The following NPIPB2 variants were observed in gnomAD, a reference collection of about 807,000 sequenced individuals.
The protein encoded by NPIPB2 is nuclear pore complex-interacting protein family member B2.
A neutral mutation model predicts 30.8 loss-of-function variants in NPIPB2; 27 were observed. That is an observed-to-expected ratio of 0.88 (90% CI 0.65 to 1.21). The LOEUF (loss-of-function observed/expected upper bound fraction) is 1.21. NPIPB2 is among the 50% of genes most tolerant of loss of function. The pLI, the probability that NPIPB2 is intolerant of heterozygous loss-of-function variation, is 0.00. For missense variants in NPIPB2, 440 were observed against 446.2 expected (o/e 0.99, Z 0.13); for synonymous variants, 147 against 162.0 (o/e 0.91, Z 0.70).
In NPIPB2 at chr16:11,971,604, C is replaced by A. The variant is rs566467258; in HGVS notation, c.-584+4964G>T. ...CTGCTTCCCAGGTTCAAGCAATCCT[C>A]CAGCCTCAGCCTCTCAAGTAGCTGG... On this transcript the variant is annotated intron_variant, in intron 1 of 5. Transcript: ENST00000538896. Among the ~76,000 whole-genome samples the A allele has an allele frequency of 1.1e-4, 16 of 152,166 alleles. 1 individual carries two copies. Among genetic ancestry groups the A allele is most frequent in the African/African-American group, 3.4e-4 (14 of 41,538 alleles).
At chr16:11,943,383 T>C (rs2054964615), upstream of NPIPB2, among the ~76,000 whole-genome samples, 1 of 151,330 alleles carries the variant, frequency 6.6e-6, no homozygotes, top group Non-Finnish European at 1.5e-5. Context: ...GGAATTCAAT[T>C]CTATTTGTAT....
intron 1 of NPIPB2, among the ~76,000 whole-genome samples, chr16:11,952,813 G>A (rs569703075): frequency 2.0e-5 from 3 of 151,938 alleles, no homozygotes; most frequent in Admixed American, 6.6e-5. Flanking sequence ...TAATCCACCC[G>A]CCTCGGCCTC....
chr16:11,948,723 C>T (rs1190576227), intron 1 of NPIPB2, among the ~76,000 whole-genome samples: 1 of 139,678 alleles, frequency 7.2e-6, no homozygotes, highest in Non-Finnish European at 1.5e-5. Flanking sequence ...GCCGAGATCC[C>T]GCCACTGCAC....
intron 1 of NPIPB2, among the ~76,000 whole-genome samples, chr16:11,951,698 G>A (rs1253813140): frequency 2.7e-5 from 4 of 147,092 alleles, no homozygotes; most frequent in Non-Finnish European, 4.5e-5. Flanking sequence ...TTCAGAGTAT[G>A]TCAAAGGGAA....
At chr16:11,951,619 TAC>T (rs1237887146) in intron 1 of NPIPB2, among the ~76,000 whole-genome samples, 6 of 115,914 alleles carry the variant, frequency 5.2e-5, no homozygotes, top group African/African-American at 1.9e-4. Context: ...ACACTGCACA[TAC>T]ACATACACAC....
In NPIPB2 at chr16:11,951,666, A is replaced by ACACACACACACACACACACACACC. The variant is rs1226047972; in HGVS notation, c.-583-9553_-583-9552insGGTGTGTGTGTGTGTGTGTGTGTG. On this transcript the variant is annotated intron_variant, in intron 1 of 5. Transcript: ENST00000538896. ...CACACACACACACACACACACACAC[A>ACACACACACACACACACACACACC]CCCAGCCCCCAAACAACAAAATTCA... 1.1e-3 allele frequency among the ~76,000 whole-genome samples: 153 copies of ACACACACACACACACACACACACC among 138,926 alleles called. 3 individuals are homozygous for ACACACACACACACACACACACACC. Among genetic ancestry groups the ACACACACACACACACACACACACC allele is most frequent in the South Asian group, 1.8e-3 (7 of 3,884 alleles). 91.1% of individuals were successfully genotyped at this position (138,926 alleles called of 152,430 possible). A position where few individuals can be genotyped will look rare whatever the true frequency, so the allele number is the denominator to read the frequency against.
At chr16:11,950,955 A>G (rs2055055914) in intron 1 of NPIPB2, among the ~76,000 whole-genome samples, 2 of 151,678 alleles carry the variant, frequency 1.3e-5, no homozygotes, top group African/African-American at 2.4e-5. Flanking sequence ...TCCTATGCAT[A>G]TACTAACATA....
At chr16:11,953,958 G>A (rs2055089580) in intron 1 of NPIPB2, among the ~76,000 whole-genome samples, 2 of 151,754 alleles carry the variant, frequency 1.3e-5, no homozygotes, top group South Asian at 4.2e-4. Context: ...TTACAGGCAT[G>A]AGCCACCACG....
chr16:11,931,548 T>A (rs546516479), intron 4 of NPIPB2, among the ~76,000 whole-genome samples: 1 of 152,176 alleles, frequency 6.6e-6, no homozygotes, highest in Admixed American at 6.6e-5. Flanking sequence ...GTGTGTGTGG[T>A]GAGGTGCTGA....
intron 1 of NPIPB2, among the ~76,000 whole-genome samples, chr16:11,948,898 G>A (rs567485026): frequency 7.3e-4 from 111 of 152,216 alleles, no homozygotes; most frequent in African/African-American, 2.5e-3. Flanking sequence ...AGCACTTCGG[G>A]AGGCTGAAGT....
At chr16:11,950,968 T>C (rs886087207) in intron 1 of NPIPB2, among the ~76,000 whole-genome samples, 1 of 149,898 alleles carries the variant, frequency 6.7e-6, no homozygotes, top group Non-Finnish European at 1.5e-5. Context: ...CTAACATATA[T>C]ACATGATTTT....
chr16:11,933,211 C>A (rs1232400190), intron 4 of NPIPB2, among the ~76,000 whole-genome samples: 2 of 151,064 alleles, frequency 1.3e-5, no homozygotes, highest in African/African-American at 4.9e-5. Context: ...GACATTGTGC[C>A]ATTGCACTAC....
chr16:11,944,971 G>C (rs2054989790), upstream of NPIPB2, among the ~76,000 whole-genome samples: 2 of 151,212 alleles, frequency 1.3e-5, no homozygotes, highest in African/African-American at 4.9e-5. Context: ...CTGAGGTCGG[G>C]AGTTCAAGGC....
At position 11,927,829 on chromosome 16, in the gene NPIPB2, C is replaced by T. The variant is rs781333330; in HGVS notation, c.738G>A (p.Trp246Ter). ...TTAAAGTTTCAGCTGTGAGGTAGGG[C>T]CAGTAGGGCAATCCTGAAGAATGAC... Residue 246 changes from tryptophan to a stop codon, truncating the protein, a stop_gained, in exon 8 of 8, where the codon TGG becomes TGA. Coordinates refer to ENST00000399147, the Ensembl canonical transcript of NPIPB2. LOFTEE classifies it low-confidence loss of function (END_TRUNC). 1 of 1,376,990 alleles carries T rather than the reference C, an allele frequency of 7.3e-7. No individual in the cohort carries two copies. The highest frequency in any genetic ancestry group is 1.5e-5 in the African/African-American group (1 of 68,872). The allele number at this position is 1,376,990 out of a possible 1,614,324, so 85.3% of individuals were successfully genotyped here. A position where few individuals can be genotyped will look rare whatever the true frequency, so the allele number is the denominator to read the frequency against.
At chr16:11,950,694 G>A (rs539894531) in intron 1 of NPIPB2, among the ~76,000 whole-genome samples, 1 of 151,858 alleles carries the variant, frequency 6.6e-6, no homozygotes, top group Non-Finnish European at 1.5e-5. Context: ...CTTTTCTACC[G>A]CTCCCTCCCT....
chr16:11,957,729 C>T (rs1008535858), intron 1 of NPIPB2, among the ~76,000 whole-genome samples: 2 of 152,178 alleles, frequency 1.3e-5, no homozygotes, highest in Non-Finnish European at 2.9e-5. Context: ...GACTGAAACA[C>T]AGACACCCTC....
intron 1 of NPIPB2, among the ~76,000 whole-genome samples, chr16:11,964,790 T>C (rs998065759): frequency 3.3e-5 from 5 of 152,216 alleles, no homozygotes; most frequent in African/African-American, 1.2e-4. Context: ...TTTGAACTCC[T>C]GGGCTCAAGC....
intron 4 of NPIPB2, among the ~76,000 whole-genome samples, chr16:11,932,429 G>A (rs1390947176): frequency 2.6e-5 from 4 of 151,228 alleles, no homozygotes; most frequent in African/African-American, 9.7e-5. Flanking sequence ...ATCACCTGAG[G>A]TCAGGAGTTC....
chr16:11,930,532 A>C, exon 5 of NPIPB2: 1 of 1,586,858 alleles, frequency 6.3e-7, no homozygotes, highest in Non-Finnish European at 8.5e-7. Context: ...GCATGCTCAC[A>C]TTCTTTCACG....
Sources: allele counts gnomAD v4.1 joint callset (sites outside exome capture counted in the v4.1 genomes callset), GRCh38; gene constraint gnomAD v4.1.1; transcripts MANE v1.5; gene names NCBI Gene and HGNC (gene_info 2026-07-23, HGNC 2026-07-21).